The following C10orf67 variants were observed in gnomAD, a reference collection of about 807,000 sequenced individuals.
The protein encoded by C10orf67 is uncharacterized protein C10orf67, mitochondrial.
A neutral mutation model predicts 35.6 loss-of-function variants in C10orf67; 60 were observed. The observed-to-expected ratio is 1.68, with a 90% confidence interval of 1.37 to 2.09. C10orf67 has a LOEUF of 2.09. C10orf67 is among the 30% of genes most tolerant of loss of function. C10orf67 has a pLI of 0.00. For missense variants in C10orf67, 474 were observed against 330.2 expected (o/e 1.44, Z -3.38); for synonymous variants, 167 against 115.8 (o/e 1.44, Z -2.84).
intron 1 of C10orf67, among the ~76,000 whole-genome samples, chr10:23,334,719 G>T (rs966063524): frequency 6.6e-6 from 1 of 152,192 alleles, no homozygotes; most frequent in African/African-American, 2.4e-5. Flanking sequence ...CATTAGGAAG[G>T]GTCTGTTGGG....
At chr10:23,331,197 A>AAC (rs1564518867) in intron 2 of C10orf67, among the ~76,000 whole-genome samples, 1 of 26,490 alleles carries the variant, frequency 3.8e-5, no homozygotes, top group Non-Finnish European at 6.0e-5. Flanking sequence ...AGGGAAGGGA[A>AAC]GGGAAGGGAA....
chr10:23,215,086 A>C (rs1392547628), intron 15 of C10orf67, among the ~76,000 whole-genome samples: 1 of 152,144 alleles, frequency 6.6e-6, no homozygotes, highest in Non-Finnish European at 1.5e-5. Context: ...AATTAATAGG[A>C]GAATACAATG....
At chr10:23,300,615 C>T (rs1434711638) in intron 5 of C10orf67, among the ~76,000 whole-genome samples, 1 of 152,176 alleles carries the variant, frequency 6.6e-6, no homozygotes, top group Non-Finnish European at 1.5e-5. Flanking sequence ...CTCTCTTAGT[C>T]TCTCCAGAAA....
intron 15 of C10orf67, among the ~76,000 whole-genome samples, chr10:23,209,181 T>A (rs940463251): frequency 6.6e-6 from 1 of 152,138 alleles, no homozygotes; most frequent in African/African-American, 2.4e-5. Context: ...GAACTTGATT[T>A]TATCTTGAAA....
At chr10:23,280,307 A>C (rs1843332266) in intron 8 of C10orf67, among the ~76,000 whole-genome samples, 1 of 152,238 alleles carries the variant, frequency 6.6e-6, no homozygotes, top group Admixed American at 6.5e-5. Context: ...CATTTTTACA[A>C]AACGACTGTG....
At position 23,324,926 on chromosome 10, in the gene C10orf67, T is replaced by TA. The variant is rs1389530681; in HGVS notation, c.328-2390dup. On this transcript the variant is annotated intron_variant, in intron 2 of 15. Coordinates refer to ENST00000636213, the MANE Select transcript of C10orf67 (RefSeq NM_001371909.1). ...TTCATTTTAGTATCCTCATACTATA[T>TA]AGGAGGTTTTATTTTACTGGTGAGA... is the stretch of plus-strand genomic sequence containing the variant. Among the ~76,000 whole-genome samples, 3 of 152,250 alleles carry TA rather than the reference T, an allele frequency of 2.0e-5. No homozygotes were observed. The East Asian group carries it at 5.8e-4, about 29-fold the overall frequency.
chr10:23,276,067 G>T lies in C10orf67; in HGVS notation c.975+5946C>A, dbSNP rs555062684. Among the ~76,000 whole-genome samples, 121 of 152,204 alleles carry T rather than the reference G, an allele frequency of 7.9e-4. 2 individuals carry two copies. The highest frequency in any genetic ancestry group is 3.1e-3 in the Admixed American group (48 of 15,288). On this transcript the variant is annotated intron_variant, in intron 8 of 15. Coordinates refer to ENST00000636213, the MANE Select transcript of C10orf67 (RefSeq NM_001371909.1). ...CCCATTAGGGTGATTAACGATTCTGGTTTTTCTTAGGACTGTGGGGTTTCT... is the reference window on the plus strand; with the variant it reads ...CCCATTAGGGTGATTAACGATTCTGTTTTTTCTTAGGACTGTGGGGTTTCT...
intron 5 of C10orf67, among the ~76,000 whole-genome samples, chr10:23,295,513 G>A (rs1843856151): frequency 6.6e-6 from 1 of 152,168 alleles, no homozygotes; most frequent in Non-Finnish European, 1.5e-5. Flanking sequence ...TACCTGAATT[G>A]ATACATGAAT....
chr10:23,299,663 A>G (rs11013371), intron 5 of C10orf67, among the ~76,000 whole-genome samples: 148,252 of 152,216 alleles, frequency 0.97, 72,231 homozygotes, highest in African/African-American at 0.99. Context: ...CTGGAGGACA[A>G]TTGTCCACGA....
intron 15 of C10orf67, 92 bp downstream of exon 15, chr10:23,223,506 A>G (rs1395611149): frequency 8.6e-6 from 6 of 700,246 alleles, no homozygotes; most frequent in African/African-American, 5.3e-5. Context: ...CCAGAATACC[A>G]AATACCTCAG....
chr10:23,328,371 G>A (rs924475120), intron 2 of C10orf67, among the ~76,000 whole-genome samples: 1 of 152,068 alleles, frequency 6.6e-6, no homozygotes, highest in Non-Finnish European at 1.5e-5. Context: ...GGCTTTCTAT[G>A]GAAAGTTTTT....
At chr10:23,302,853 G>C (rs941614971) in intron 5 of C10orf67, among the ~76,000 whole-genome samples, 1 of 152,112 alleles carries the variant, frequency 6.6e-6, no homozygotes, top group African/African-American at 2.4e-5. Context: ...AAAATCCTCT[G>C]GGATTTTTCT....
intron 5 of C10orf67, among the ~76,000 whole-genome samples, chr10:23,291,626 C>T (rs1843722001): frequency 1.3e-5 from 2 of 152,188 alleles, no homozygotes; most frequent in South Asian, 4.1e-4. Flanking sequence ...GTCTGAAGTG[C>T]TGTCCGCCTG....
At chr10:23,247,781 G>A (rs1400438785) in intron 12 of C10orf67, among the ~76,000 whole-genome samples, 3 of 152,174 alleles carry the variant, frequency 2.0e-5, no homozygotes, top group Non-Finnish European at 4.4e-5. Context: ...GGAATGATAA[G>A]CATTCAATTC....
intron 4 of C10orf67, among the ~76,000 whole-genome samples, chr10:23,315,526 C>T (rs1422858659): frequency 6.6e-6 from 1 of 151,754 alleles, no homozygotes; most frequent in Admixed American, 6.6e-5. Context: ...GCAGCCTTAA[C>T]TTCCTGGGCT....
chr10:23,261,592 G>A (rs1240006286), intron 10 of C10orf67, among the ~76,000 whole-genome samples: 1 of 152,186 alleles, frequency 6.6e-6, no homozygotes, highest in East Asian at 1.9e-4. Flanking sequence ...AATTACAGGT[G>A]TGAGCAGCCA....
rs1319036884 is a variant in C10orf67 at position 23,256,356 on chromosome 10, A to G, written c.1201-5665T>C. 2.6e-5 allele frequency among the ~76,000 whole-genome samples: 4 copies of G among 152,316 alleles called. No homozygotes were observed. The East Asian group carries it at 7.7e-4, about 29-fold the overall frequency. Reference sequence around the variant, plus strand: ...GACTCCTGGCTCCCGCTTAGGAAGCAAAAAATGCCATTCCAACACTAAAAA... The same window carrying G: ...GACTCCTGGCTCCCGCTTAGGAAGCGAAAAATGCCATTCCAACACTAAAAA... On this transcript the variant is annotated intron_variant, in intron 10 of 15. Transcript: ENST00000636213.
intron 15 of C10orf67, among the ~76,000 whole-genome samples, chr10:23,222,634 T>C (rs1253144549): frequency 6.6e-6 from 1 of 152,190 alleles, no homozygotes; most frequent in East Asian, 1.9e-4. Context: ...AATCTGCACA[T>C]GTACCCCTGG....
intron 5 of C10orf67, among the ~76,000 whole-genome samples, chr10:23,296,811 A>T (rs1194984389): frequency 6.6e-6 from 1 of 152,130 alleles, no homozygotes; most frequent in African/African-American, 2.4e-5. Context: ...GAGGTTAAAG[A>T]TACAGGGATT....
Sources: gnomAD v4.1 joint callset for allele counts (sites outside exome capture counted in the v4.1 genomes callset) on GRCh38, gnomAD v4.1.1 for gene constraint, MANE v1.5 for transcripts, NCBI Gene and HGNC (gene_info 2026-07-23, HGNC 2026-07-21) for gene names.